Variants in GALNT6 observed in about 807,000 individuals in gnomAD.
GALNT6 encodes the protein polypeptide N-acetylgalactosaminyltransferase 6, also known as GalNAc transferase 6.
A neutral mutation model predicts 65.9 loss-of-function variants in GALNT6; 51 were observed. The observed-to-expected ratio is 0.77, with a 90% CI of 0.62 to 0.98. The LOEUF (loss-of-function observed/expected upper bound fraction) is 0.98. Ranked by LOEUF, GALNT6 falls within the 50% of genes least tolerant of loss-of-function variation. The pLI is 0.00. For missense variants in GALNT6, 708 were observed against 803.3 expected (o/e 0.88, Z 1.43); for synonymous variants, 323 against 315.1 (o/e 1.02, Z -0.26).
intron 3 of GALNT6, among the ~76,000 whole-genome samples, chr12:51,378,977 G>A (rs1947563251): frequency 6.6e-6 from 1 of 151,332 alleles, no homozygotes; most frequent in Admixed American, 6.7e-5. Flanking sequence ...TTGGTATCAG[G>A]TCTCCCCAGT....
intron 8 of GALNT6, among the ~76,000 whole-genome samples, chr12:51,358,780 A>G (rs1213246905): frequency 6.6e-6 from 1 of 152,042 alleles, no homozygotes; most frequent in Non-Finnish European, 1.5e-5. Context: ...TTATCGGTCC[A>G]TCTCCTGTGA....
At chr12:51,375,697 A>G (rs1947430195) in intron 4 of GALNT6, among the ~76,000 whole-genome samples, 1 of 151,798 alleles carries the variant, frequency 6.6e-6, no homozygotes, top group Non-Finnish European at 1.5e-5. Flanking sequence ...AGTTGGGACT[A>G]CAGGCATGCT....
At chr12:51,371,247 C>A (rs1008772156) in intron 4 of GALNT6, among the ~76,000 whole-genome samples, 1 of 151,964 alleles carries the variant, frequency 6.6e-6, no homozygotes, top group Non-Finnish European at 1.5e-5. Flanking sequence ...CCATGCCTGG[C>A]TAATTTTTGT....
chr12:51,365,720 C>G (rs940572817), intron 4 of GALNT6, 141 bp from the exon 5 acceptor site: 2 of 698,998 alleles, frequency 2.9e-6, no homozygotes, highest in African/African-American at 1.8e-5. Flanking sequence ...AGCCATTCCA[C>G]AGAAGCCGGA....
intron 4 of GALNT6, among the ~76,000 whole-genome samples, chr12:51,369,023 G>A (rs929831098): frequency 6.6e-6 from 1 of 152,206 alleles, no homozygotes; most frequent in African/African-American, 2.4e-5. Context: ...CCCGGGTGCT[G>A]GCCCTGACAG....
intron 4 of GALNT6, among the ~76,000 whole-genome samples, chr12:51,366,394 T>C (rs1947108796): frequency 6.6e-6 from 1 of 152,246 alleles, no homozygotes; most frequent in Non-Finnish European, 1.5e-5. Context: ...CATACACAAA[T>C]GGTGACTCCT....
At position 51,354,490 on chromosome 12, in the gene GALNT6, A is replaced by G; in HGVS notation, c.1758T>C (p.Asp586=). The change falls in exon 12 of 12, where the codon GAT becomes GAC. Residue 586 remains aspartate, a splice_region_variant and synonymous_variant. Coordinates refer to ENST00000356317, the MANE Select transcript of GALNT6 (RefSeq NM_007210.4). ...PKDEEWELAQ[D]QLIRNSGSGT... is the part of the protein sequence containing the mutation. ...CAGATCCTGAGTTCCTGATGAGCTG[A>G]TCCTAAAAGATGACAAAGCAAAAGG... is the stretch of plus-strand genomic sequence containing the variant. 1 of 1,589,562 alleles carries G rather than the reference A, an allele frequency of 6.3e-7. No individual in the cohort carries two copies. Among genetic ancestry groups the G allele is most frequent in the Non-Finnish European group, 8.6e-7 (1 of 1,165,900 alleles).
At position 51,358,117 on chromosome 12, in the gene GALNT6, T is replaced by C; in HGVS notation, c.1500+13A>G. 1 of 1,611,402 alleles carries C rather than the reference T, an allele frequency of 6.2e-7. No individual in the cohort carries two copies. Among genetic ancestry groups the C allele is most frequent in the Non-Finnish European group, 8.5e-7 (1 of 1,177,784 alleles). ...TGTGGTGATGGGCAGGCAGGTTGGT[T>C]CTCAAGACTTACGGCACCATAGAAG... is the stretch of plus-strand genomic sequence containing the variant. On this transcript the variant is annotated intron_variant, in intron 9 of 11. Coordinates refer to ENST00000356317, the MANE Select transcript of GALNT6 (RefSeq NM_007210.4).
At chr12:51,367,784 C>T (rs1194120154) in intron 4 of GALNT6, among the ~76,000 whole-genome samples, 3 of 152,098 alleles carry the variant, frequency 2.0e-5, no homozygotes, top group South Asian at 2.1e-4. Context: ...GAGTGTGTGC[C>T]GGTGTGGGTG....
intron 6 of GALNT6, among the ~76,000 whole-genome samples, chr12:51,361,133 C>T (rs1946914924): frequency 6.6e-6 from 1 of 152,206 alleles, no homozygotes; most frequent in Non-Finnish European, 1.5e-5. Flanking sequence ...ACATGATGGA[C>T]ACACAGAACG....
intron 2 of GALNT6, 128 bp from the exon 3 acceptor site, chr12:51,380,012 A>G (rs1947611024): frequency 1.8e-6 from 1 of 553,290 alleles, no homozygotes; most frequent in East Asian, 2.9e-5. Context: ...CAACTTTCCC[A>G]TATCTACATT....
chr12:51,371,054 A>AATTATTATTATTATTATT (rs66469959), intron 4 of GALNT6, among the ~76,000 whole-genome samples: 1 of 144,450 alleles, frequency 6.9e-6, no homozygotes. Flanking sequence ...CCTTTTAAAA[A>AATTATTATTATTATTATT]ATTATTATTA....
intron 11 of GALNT6, 131 bp downstream of exon 11, chr12:51,355,675 G>T: frequency 1.4e-6 from 1 of 704,926 alleles, no homozygotes; most frequent in Non-Finnish European, 2.4e-6. Context: ...TCACCATGTT[G>T]GCCAGGTGGT....
At chr12:51,368,757 A>C (rs751316999) in intron 4 of GALNT6, among the ~76,000 whole-genome samples, 1 of 151,910 alleles carries the variant, frequency 6.6e-6, no homozygotes, top group Admixed American at 6.6e-5. Context: ...TGATTATGAC[A>C]TGGCGCTCAT....
intron 2 of GALNT6, among the ~76,000 whole-genome samples, chr12:51,389,020 C>T (rs1209141928): frequency 6.6e-6 from 1 of 152,200 alleles, no homozygotes; most frequent in Non-Finnish European, 1.5e-5. Flanking sequence ...CACCCTTGTT[C>T]ACCACACAGG....
intron 6 of GALNT6, 22 bp from the exon 7 acceptor site, chr12:51,360,860 T>C (rs755308707): frequency 1.3e-6 from 2 of 1,504,688 alleles, no homozygotes; most frequent in South Asian, 1.1e-5. Context: ...GAGGGAGAAG[T>C]GTGTGCATCT....
At chr12:51,391,002 C>G (rs1241793555) in intron 1 of GALNT6, 65 bp from the exon 2 acceptor site, 1 of 152,390 alleles carries the variant, frequency 6.6e-6, no homozygotes, top group Non-Finnish European at 1.5e-5. Context: ...CATTTCCCCA[C>G]AGCAGGAGGC....
chr12:51,365,569 C>T lies in GALNT6; in HGVS notation c.675G>A (p.Lys225=). 1 of 1,613,778 alleles carries T rather than the reference C, an allele frequency of 6.2e-7. No individual in the cohort carries two copies. Among genetic ancestry groups the T allele is most frequent in the Non-Finnish European group, 8.5e-7 (1 of 1,179,908 alleles). ...VDDASTEEHL[K]EKLEQYVKQL... is the part of the protein sequence containing the mutation. The stretch of plus-strand genomic sequence containing the variant: ...GCTTCACGTACTGCTCCAGCTTCTC[C>T]TTTAGGTGCTCTGGAAGGGACAGTG... The change falls in exon 5 of 12, where the codon AAG becomes AAA. Residue 225 remains lysine, a synonymous_variant. Coordinates refer to ENST00000356317, the MANE Select transcript of GALNT6 (RefSeq NM_007210.4).
intron 10 of GALNT6, among the ~76,000 whole-genome samples, chr12:51,356,266 C>T (rs1946742558): frequency 6.6e-6 from 1 of 150,886 alleles, no homozygotes; most frequent in South Asian, 2.1e-4. Flanking sequence ...GTCTCAAACT[C>T]CTGAGCTCAA....
Sources: allele counts gnomAD v4.1 joint callset (sites outside exome capture counted in the v4.1 genomes callset), GRCh38; gene constraint gnomAD v4.1.1; transcripts MANE v1.5; gene names NCBI Gene and HGNC (gene_info 2026-07-23, HGNC 2026-07-21).